Variants in MKLN1 observed in about 807,000 individuals in gnomAD.
MKLN1 encodes the protein muskelin 1, also known as muskelin.
MKLN1 carries 18 observed loss-of-function variants against 99.0 expected under a neutral mutation model. That is an observed-to-expected ratio of 0.18 (90% CI 0.13 to 0.27). The LOEUF (loss-of-function observed/expected upper bound fraction) is 0.27, where lower values mean the gene tolerates loss of function less well. MKLN1 is among the 10% of genes least tolerant of loss of function. The pLI is 1.00. For missense variants in MKLN1, 621 were observed against 875.9 expected (o/e 0.71, Z 3.67); for synonymous variants, 288 against 293.2 (o/e 0.98, Z 0.18).
intron 2 of MKLN1, among the ~76,000 whole-genome samples, chr7:131,143,636 G>A (rs138695054): frequency 6.6e-6 from 1 of 151,968 alleles, no homozygotes; most frequent in Non-Finnish European, 1.5e-5. Context: ...GATCAGCCTG[G>A]GCAACATAGC....
chr7:131,411,371 A>C lies in MKLN1; in HGVS notation c.769A>C (p.Lys257Gln). Residue 257 changes from lysine to glutamine, a missense_variant, in exon 7 of 18, where the codon AAA becomes CAA. Lys to Gln is a moderately conservative substitution (Grantham distance 53, BLOSUM62 1). This residue lies in a region of MKLN1 where 361 missense variants were observed against 540.8 expected (regional missense o/e 0.67). Transcript: ENST00000352689. ...YKPRWSQIIP[K>Q]STKGDGEDNR... ...GCCACGATGGAGTCAAATCATTCCC[A>C]AAAGTACCAAAGGTAAGCCATACCT... The C allele has an allele frequency of 6.2e-7, 1 of 1,606,418 alleles. No homozygotes were observed. The highest frequency in any genetic ancestry group is 2.2e-5 in the East Asian group (1 of 44,810).
chr7:131,270,305 C>T (rs548334546), intron 3 of MKLN1, among the ~76,000 whole-genome samples: 8 of 152,240 alleles, frequency 5.3e-5, no homozygotes, highest in African/African-American at 1.7e-4. Flanking sequence ...TCACTGTAAC[C>T]TCTGCCTCCC....
chr7:131,292,556 A>G (rs1798236978), intron 3 of MKLN1, among the ~76,000 whole-genome samples: 1 of 152,184 alleles, frequency 6.6e-6, no homozygotes, highest in Admixed American at 6.5e-5. Context: ...TGTCCTTATA[A>G]GAAGACCAGG....
rs1411962019 is a variant in MKLN1 at position 131,224,741 on chromosome 7, GAGTGAACATCTC to G, written c.-179+21770_-179+21781del. ...CTGTCTCAAAAAAAAACCCTCAAAG[GAGTGAACATCTC>G]AGGTTAGGATAACAGGCTCCTTGAA... is the stretch of plus-strand genomic sequence containing the variant. On this transcript the variant is annotated intron_variant, in intron 3 of 7. Transcript: ENST00000416992. Among the ~76,000 whole-genome samples the G allele has an allele frequency of 2.6e-5, 4 of 151,766 alleles. No individual in the cohort carries two copies. The East Asian group carries it at 7.8e-4, about 30-fold the overall frequency.
chr7:131,353,469 AC>A (rs1270163388), intron 1 of MKLN1, among the ~76,000 whole-genome samples: 1 of 151,970 alleles, frequency 6.6e-6, no homozygotes, highest in Non-Finnish European at 1.5e-5. Context: ...TGTCAAGAGT[AC>A]TTTGTATGTT....
At chr7:131,384,800 A>G (rs1473776702) in intron 2 of MKLN1, among the ~76,000 whole-genome samples, 1 of 152,258 alleles carries the variant, frequency 6.6e-6, no homozygotes, top group Non-Finnish European at 1.5e-5. Context: ...AATGTGCCAA[A>G]TAAGAAGTTA....
At chr7:131,224,277 A>G (rs1340208804) in intron 3 of MKLN1, among the ~76,000 whole-genome samples, 3 of 151,976 alleles carry the variant, frequency 2.0e-5, no homozygotes, top group South Asian at 2.1e-4. Flanking sequence ...TGGGTGCGGT[A>G]GCTCACACCT....
intron 3 of MKLN1, among the ~76,000 whole-genome samples, chr7:131,286,558 G>A (rs1372082439): frequency 6.6e-6 from 1 of 152,136 alleles, no homozygotes; most frequent in Non-Finnish European, 1.5e-5. Context: ...TCTCTGAGAG[G>A]CAAGTCAGTA....
intron 2 of MKLN1, among the ~76,000 whole-genome samples, chr7:131,155,631 T>C (rs1236421150): frequency 6.6e-6 from 1 of 152,010 alleles, no homozygotes; most frequent in Non-Finnish European, 1.5e-5. Flanking sequence ...AACTGAACCA[T>C]GATTATGAAA....
intron 17 of MKLN1, among the ~76,000 whole-genome samples, chr7:131,486,213 A>G (rs1231429782): frequency 1.3e-5 from 2 of 151,320 alleles, no homozygotes; most frequent in East Asian, 3.9e-4. Context: ...GTGGGTTTGA[A>G]ATTTTTCAAA....
chr7:131,191,136 G>C (rs528304655), intron 2 of MKLN1, among the ~76,000 whole-genome samples: 1 of 152,206 alleles, frequency 6.6e-6, no homozygotes, highest in African/African-American at 2.4e-5. Context: ...AGGGCAGCTG[G>C]AGGTGAGCCC....
At chr7:131,426,009 G>T (rs1795346801) in intron 8 of MKLN1, among the ~76,000 whole-genome samples, 1 of 152,112 alleles carries the variant, frequency 6.6e-6, no homozygotes, top group Admixed American at 6.6e-5. Flanking sequence ...ATGTCAGAAG[G>T]CTCAGTTTCC....
chr7:131,294,417 A>G (rs556386478), intron 3 of MKLN1, among the ~76,000 whole-genome samples: 1 of 120,534 alleles, frequency 8.3e-6, no homozygotes, highest in South Asian at 2.5e-4. Context: ...GGTGAAGCAT[A>G]TAGGCACATT....
chr7:131,226,717 G>C (rs1268158738), intron 3 of MKLN1, among the ~76,000 whole-genome samples: 1 of 152,190 alleles, frequency 6.6e-6, no homozygotes, highest in Non-Finnish European at 1.5e-5. Flanking sequence ...TTCCTGGCCA[G>C]TACAGAAGGA....
chr7:131,331,843 C>T (rs892555921), intron 1 of MKLN1, among the ~76,000 whole-genome samples: 3 of 152,072 alleles, frequency 2.0e-5, no homozygotes, highest in Non-Finnish European at 4.4e-5. Flanking sequence ...CTGGGAGAAA[C>T]TTTGAAAGTA....
intron 3 of MKLN1, among the ~76,000 whole-genome samples, chr7:131,227,321 C>T (rs1050430124): frequency 1.3e-5 from 2 of 152,040 alleles, no homozygotes; most frequent in Admixed American, 6.6e-5. Context: ...AAGGAGACTT[C>T]CTTTCTTCTT....
At chr7:131,399,474 A>G (rs1794465940) in intron 6 of MKLN1, 41 bp downstream of exon 6, 2 of 1,535,654 alleles carry the variant, frequency 1.3e-6, no homozygotes, top group Non-Finnish European at 1.8e-6. Flanking sequence ...ATTCAAGTAC[A>G]TACGGGAAAC....
intron 12 of MKLN1, among the ~76,000 whole-genome samples, chr7:131,454,115 T>A (rs926795813): frequency 1.3e-5 from 2 of 151,376 alleles, no homozygotes; most frequent in Admixed American, 6.6e-5. Flanking sequence ...ACAAAAAATA[T>A]ATTTTTTTGA....
chr7:131,342,176 T>C (rs1167201055), intron 1 of MKLN1, among the ~76,000 whole-genome samples: 4 of 152,020 alleles, frequency 2.6e-5, no homozygotes, highest in African/African-American at 7.3e-5. Flanking sequence ...TTTTCTGTTA[T>C]TATGTAGTGT....
Sources: allele counts gnomAD v4.1 joint callset (sites outside exome capture counted in the v4.1 genomes callset), GRCh38; gene constraint gnomAD v4.1.1; regional missense constraint gnomAD v4.1.1; transcripts MANE v1.5; gene names NCBI Gene and HGNC (gene_info 2026-07-23, HGNC 2026-07-21).